Variants in CHD6 observed in about 807,000 individuals in gnomAD.
CHD6 encodes ATP-dependent chromatin remodeler CHD6.
A neutral mutation model predicts 276.9 loss-of-function variants in CHD6; 50 were observed. The ratio of observed to expected loss-of-function variants is 0.18; its 90% CI spans 0.14 to 0.23. The LOEUF (loss-of-function observed/expected upper bound fraction) is 0.23. Among genes scored for constraint, CHD6 ranks in the 10% least tolerant of loss-of-function variants. The pLI, the probability that CHD6 is intolerant of heterozygous loss-of-function variation, is 1.00. For synonymous variants in CHD6, 1,173 were observed against 1,229.3 expected (o/e 0.95, Z 0.96); for missense variants, 2,564 against 3,365.8 (o/e 0.76, Z 5.89).
chr20:41,466,592 T>A (rs569120087), intron 17 of CHD6, among the ~76,000 whole-genome samples: 4 of 152,304 alleles, frequency 2.6e-5, no homozygotes, highest in Non-Finnish European at 5.9e-5. Context: ...TGGTGAACAA[T>A]ATGGTTTATG....
intron 16 of CHD6, among the ~76,000 whole-genome samples, chr20:41,478,918 T>A (rs1337561317): frequency 1.3e-5 from 2 of 152,238 alleles, no homozygotes; most frequent in Non-Finnish European, 2.9e-5. Context: ...TACAATGTTA[T>A]AATTCAGACA....
intron 3 of CHD6, among the ~76,000 whole-genome samples, chr20:41,528,127 T>C (rs577580919): frequency 2.6e-4 from 40 of 152,366 alleles, no homozygotes; most frequent in African/African-American, 9.1e-4. Flanking sequence ...GAAATTTCTT[T>C]CTCAAATGGT....
chr20:41,470,922 T>C lies in CHD6; in HGVS notation c.2664+2400A>G, dbSNP rs190591774. Among the ~76,000 whole-genome samples the C allele has an allele frequency of 4.8e-4, 73 of 152,372 alleles. No homozygotes were observed. In the East Asian group the frequency reaches 0.012, roughly 25 times the overall value. On this transcript the variant is annotated intron_variant, in intron 17 of 36. Coordinates refer to ENST00000373233, the MANE Select transcript of CHD6 (RefSeq NM_032221.5). Reference sequence around the variant, plus strand: ...ATCCTCCTGGATATCGCTTCAGGCATGTCCAGCCGAGGTGTCCTCAAACTG... The same window carrying C: ...ATCCTCCTGGATATCGCTTCAGGCACGTCCAGCCGAGGTGTCCTCAAACTG...
intron 26 of CHD6, among the ~76,000 whole-genome samples, chr20:41,439,736 G>C (rs1013467948): frequency 6.6e-6 from 1 of 152,212 alleles, no homozygotes; most frequent in Non-Finnish European, 1.5e-5. Context: ...AGCTGGGCAG[G>C]CTTTTAGAAA....
rs1413043501 is a variant in CHD6, at chr20:41,402,329, A to T, written c.*2264T>A. 1 of 227,580 alleles carries T rather than the reference A, an allele frequency of 4.4e-6. No homozygotes were observed. Among genetic ancestry groups the T allele is most frequent in the African/African-American group, 2.2e-5 (1 of 45,036 alleles). 14.1% of individuals were successfully genotyped at this position (227,580 alleles called of 1,614,324 possible). ...CCACAGAGTGTCATATTCATTTTGC[A>T]AACAGGGTCACAACAGCAGTCAAAT... On this transcript the variant is annotated 3_prime_UTR_variant, in exon 37 of 37. Transcript: ENST00000373233.
rs2047443667 is a variant in CHD6, at chr20:41,428,799, A to T, written c.4069-2646T>A. ...TAGCACTCTTGTGTCCCCTGGCTGT[A>T]TGGCTTTTTTGCAGCTGATTAAAAC... On this transcript the variant is annotated intron_variant, in intron 27 of 36. Coordinates refer to ENST00000373233, the MANE Select transcript of CHD6 (RefSeq NM_032221.5). 3.3e-5 allele frequency among the ~76,000 whole-genome samples: 5 copies of T among 152,300 alleles called. No homozygotes were observed. In the South Asian group the frequency reaches 1.0e-3, roughly 32 times the overall value.
intron 1 of CHD6, among the ~76,000 whole-genome samples, chr20:41,610,760 A>AAAATAAAT (rs5841413): frequency 0.026 from 3,774 of 147,294 alleles, 124 homozygotes; most frequent in African/African-American, 0.071. Flanking sequence ...TCCGTCTCAA[A>AAAATAAAT]AAATAAATAA....
chr20:41,569,469 T>A (rs1389370623), intron 1 of CHD6, among the ~76,000 whole-genome samples: 1 of 152,186 alleles, frequency 6.6e-6, no homozygotes, highest in Non-Finnish European at 1.5e-5. Context: ...GTTTTCAGAT[T>A]GGCATGGGGC....
rs747343668 is a variant in CHD6, at chr20:41,417,324, C to T, written c.6153G>A (p.Glu2051=). 1.3e-5 allele frequency: 21 copies of T among 1,614,020 alleles called. No homozygotes were observed. Among genetic ancestry groups the T allele is most frequent in the South Asian group, 2.2e-5 (2 of 91,042 alleles). The change falls in exon 32 of 37, where the codon GAG becomes GAA. Residue 2051 remains glutamate, a synonymous_variant. Coordinates refer to ENST00000373233, the MANE Select transcript of CHD6 (RefSeq NM_032221.5). Reference sequence around the variant, plus strand: ...TGCCCGATGTTGAGCTCTTGCTCTCCTCTTCAGAGTACTTCCCTGGATAAT... The same window carrying T: ...TGCCCGATGTTGAGCTCTTGCTCTCTTCTTCAGAGTACTTCCCTGGATAAT... ...SQDYPGKYSE[E]ESKSSTSGIT...
intron 2 of CHD6, among the ~76,000 whole-genome samples, chr20:41,545,413 G>A (rs1441260378): frequency 6.6e-6 from 1 of 152,146 alleles, no homozygotes; most frequent in East Asian, 1.9e-4. Flanking sequence ...GGAGGAGGGA[G>A]GAGAAAAGAG....
At chr20:41,560,983 G>A (rs1409903422) in intron 1 of CHD6, among the ~76,000 whole-genome samples, 1 of 151,732 alleles carries the variant, frequency 6.6e-6, no homozygotes, top group Non-Finnish European at 1.5e-5. Flanking sequence ...TTTTCTTTTC[G>A]ATTTTAGGCA....
chr20:41,428,133 G>C (rs1421888720), intron 27 of CHD6, among the ~76,000 whole-genome samples: 1 of 152,216 alleles, frequency 6.6e-6, no homozygotes, highest in African/African-American at 2.4e-5. Context: ...TGTTGGTACA[G>C]TTAGTAAACA....
At chr20:41,423,016 C>T (rs190160630) in intron 30 of CHD6, among the ~76,000 whole-genome samples, 2 of 152,316 alleles carry the variant, frequency 1.3e-5, no homozygotes, top group Admixed American at 6.5e-5. Context: ...CAAGTGCCAA[C>T]CATGAAGACA....
Position 41,496,184 on chromosome 20 carries a change from G to A in CHD6, c.1092+1200C>T, listed in dbSNP as rs149811673. Reference sequence around the variant, plus strand: ...AACAGCCATGTCCTACTCTTGACACGCAGTAAATGTGTAGTTAATTGAACT... The same window carrying A: ...AACAGCCATGTCCTACTCTTGACACACAGTAAATGTGTAGTTAATTGAACT... On this transcript the variant is annotated intron_variant, in intron 8 of 36. Transcript: ENST00000373233. Among the ~76,000 whole-genome samples, 967 of 152,336 alleles carry A rather than the reference G, an allele frequency of 6.3e-3. 11 individuals carry two copies. The highest frequency in any genetic ancestry group is 0.024 in the Middle Eastern group (7 of 294).
chr20:41,594,283 G>C (rs1293864467), intron 1 of CHD6, among the ~76,000 whole-genome samples: 1 of 152,124 alleles, frequency 6.6e-6, no homozygotes, highest in African/African-American at 2.4e-5. Flanking sequence ...ACATCCCATG[G>C]CTCCAGCCTA....
At chr20:41,527,739 A>C (rs1369210693) in intron 3 of CHD6, among the ~76,000 whole-genome samples, 2 of 152,298 alleles carry the variant, frequency 1.3e-5, no homozygotes, top group African/African-American at 4.8e-5. Flanking sequence ...TTCTTGCTAT[A>C]ATCTGAATTT....
intron 1 of CHD6, among the ~76,000 whole-genome samples, chr20:41,598,046 C>T (rs576251635): frequency 6.6e-6 from 1 of 152,240 alleles, no homozygotes; most frequent in African/African-American, 2.4e-5. Flanking sequence ...GGTTGGACCT[C>T]CCCAACAAGT....
chr20:41,527,151 A>C (rs1157564713), intron 3 of CHD6, among the ~76,000 whole-genome samples: 1 of 152,198 alleles, frequency 6.6e-6, no homozygotes, highest in African/African-American at 2.4e-5. Flanking sequence ...TAAAAGCAAC[A>C]TTCAGGCTGG....
chr20:41,581,252 C>T (rs1486862814), intron 1 of CHD6, among the ~76,000 whole-genome samples: 2 of 152,162 alleles, frequency 1.3e-5, no homozygotes, highest in African/African-American at 2.4e-5. Context: ...CATTGAAGCA[C>T]AAGACGGTCA....
Sources: gnomAD v4.1 joint callset for allele counts (sites outside exome capture counted in the v4.1 genomes callset) on GRCh38, gnomAD v4.1.1 for gene constraint, MANE v1.5 for transcripts, NCBI Gene and HGNC (gene_info 2026-07-23, HGNC 2026-07-21) for gene names.